The following DCC variants were observed in gnomAD, a reference collection of about 807,000 sequenced individuals.
The protein encoded by DCC is netrin receptor DCC.
In DCC, 58 loss-of-function variants were observed where a neutral mutation model predicts 172.5. That is an observed-to-expected ratio of 0.34 (90% confidence interval 0.27 to 0.42). DCC has a LOEUF of 0.42. Among genes scored for constraint, DCC ranks in the 10% least tolerant of loss-of-function variants. The probability of loss-of-function intolerance (pLI) is 1.00; values close to 1 mark genes in which losing one functional copy is unlikely to be tolerated. For missense variants in DCC, 1,740 were observed against 1,791.0 expected (o/e 0.97, Z 0.51); for synonymous variants, 709 against 644.5 (o/e 1.10, Z -1.52).
rs1019432197 is a variant in DCC, at chr18:52,921,233, G to C, written c.698-2474G>C. Among the ~76,000 whole-genome samples the C allele has an allele frequency of 2.6e-5, 4 of 152,174 alleles. No individual in the cohort carries two copies. The East Asian group carries it at 7.7e-4, about 29-fold the overall frequency. On this transcript the variant is annotated intron_variant, in intron 3 of 28. Transcript: ENST00000442544. ...GAATTAAAACAACTATACCACATTA[G>C]TGTAAGATGTTTGTAATAGGAGAAA...
intron 5 of DCC, among the ~76,000 whole-genome samples, chr18:53,014,170 A>G (rs1189823378): frequency 6.6e-6 from 1 of 152,214 alleles, no homozygotes; most frequent in East Asian, 1.9e-4. Context: ...GAATCAATCT[A>G]CATTTAGATC....
chr18:53,323,937 C>T (rs2047914), intron 14 of DCC, among the ~76,000 whole-genome samples: 45,202 of 148,372 alleles, frequency 0.3, 8,619 homozygotes, highest in Non-Finnish European at 0.45. Flanking sequence ...GTAAGATAAG[C>T]AGGTTCCAAA....
intron 1 of DCC, among the ~76,000 whole-genome samples, chr18:52,671,902 A>G (rs1041999531): frequency 2.4e-4 from 37 of 152,140 alleles, no homozygotes; most frequent in African/African-American, 7.5e-4. Flanking sequence ...TAAATACCCC[A>G]TAAAGCAGAG....
intron 25 of DCC, among the ~76,000 whole-genome samples, chr18:53,481,692 T>C (rs923076362): frequency 1.3e-5 from 2 of 152,214 alleles, no homozygotes; most frequent in Non-Finnish European, 2.9e-5. Flanking sequence ...AGTACCATGT[T>C]GAGAAATATC....
At chr18:52,758,222 T>G (rs1296297768) in intron 2 of DCC, among the ~76,000 whole-genome samples, 1 of 152,162 alleles carries the variant, frequency 6.6e-6, no homozygotes, top group Non-Finnish European at 1.5e-5. Flanking sequence ...CATATAATTT[T>G]TAAAATAAGC....
rs145049748 is a variant in DCC, at chr18:52,815,049, G to A, written c.412+62675G>A. On this transcript the variant is annotated intron_variant, in intron 2 of 28. Coordinates refer to ENST00000442544, the MANE Select transcript of DCC (RefSeq NM_005215.4). ...AAAAGTGGGCAACAAGAAAAAATAG[G>A]GACATCAAACGGGGTGGGCTGGGGG... Among the ~76,000 whole-genome samples, 264 of 152,196 alleles carry A rather than the reference G, an allele frequency of 1.7e-3. 1 individual carries two copies. The highest frequency in any genetic ancestry group is 6.8e-3 in the Middle Eastern group (2 of 294).
intron 7 of DCC, among the ~76,000 whole-genome samples, chr18:53,082,010 G>A (rs1351680424): frequency 6.6e-6 from 1 of 152,056 alleles, no homozygotes; most frequent in South Asian, 2.1e-4. Flanking sequence ...ATCAAGAATG[G>A]TAATTTACAA....
At chr18:53,430,462 C>A (rs1188944018) in intron 21 of DCC, among the ~76,000 whole-genome samples, 1 of 152,070 alleles carries the variant, frequency 6.6e-6, no homozygotes, top group African/African-American at 2.4e-5. Context: ...TAAACAATCA[C>A]ACAGAAAAAC....
chr18:53,508,873 T>C (rs889052020), intron 27 of DCC, among the ~76,000 whole-genome samples: 1 of 152,176 alleles, frequency 6.6e-6, no homozygotes, highest in African/African-American at 2.4e-5. Context: ...ATAAATGCAT[T>C]TGACAGCCAG....
chr18:52,959,710 ATATT>A (rs1354744637), intron 5 of DCC, among the ~76,000 whole-genome samples: 1 of 152,180 alleles, frequency 6.6e-6, no homozygotes, highest in Non-Finnish European at 1.5e-5. Context: ...ACAATAAATA[ATATT>A]TATTCATAAT....
At chr18:52,667,307 C>T (rs2035473648) in intron 1 of DCC, among the ~76,000 whole-genome samples, 1 of 152,204 alleles carries the variant, frequency 6.6e-6, no homozygotes. Flanking sequence ...GTCATCCAAG[C>T]ATCCTAAGCA....
At chr18:53,382,502 C>A (rs900255090) in intron 15 of DCC, among the ~76,000 whole-genome samples, 10 of 152,016 alleles carry the variant, frequency 6.6e-5, no homozygotes, top group Admixed American at 3.9e-4. Flanking sequence ...CTTTGATGAC[C>A]TAAATCCTCA....
At chr18:53,101,106 A>C (rs1034406939) in intron 7 of DCC, among the ~76,000 whole-genome samples, 3 of 152,120 alleles carry the variant, frequency 2.0e-5, no homozygotes, top group African/African-American at 7.2e-5. Context: ...TGTGAGATAT[A>C]GCATAACAAA....
chr18:52,712,679 T>C (rs2036312950), intron 1 of DCC, among the ~76,000 whole-genome samples: 1 of 152,248 alleles, frequency 6.6e-6, no homozygotes, highest in Non-Finnish European at 1.5e-5. Flanking sequence ...CTTGATTTTC[T>C]GAAACACTCA....
chr18:53,181,871 C>T (rs986220927), intron 9 of DCC, among the ~76,000 whole-genome samples: 12 of 152,284 alleles, frequency 7.9e-5, no homozygotes, highest in Admixed American at 1.3e-4. Context: ...CAGATTTGCT[C>T]GTGGGCCCAT....
At chr18:52,743,302 A>C (rs928398536) in intron 1 of DCC, among the ~76,000 whole-genome samples, 3 of 152,228 alleles carry the variant, frequency 2.0e-5, no homozygotes, top group African/African-American at 7.2e-5. Flanking sequence ...AAAACACGGA[A>C]GCTAAAGCTA....
chr18:53,265,423 C>T lies in DCC; in HGVS notation c.1912-40155C>T, dbSNP rs559275417. ...AGAAACACTCCATGTATAAAGAAAA[C>T]CTACAAAATGTGGACTGATCATTAT... On this transcript the variant is annotated intron_variant, in intron 12 of 28. Transcript: ENST00000442544. Among the ~76,000 whole-genome samples, 10 of 152,246 alleles carry T rather than the reference C, an allele frequency of 6.6e-5. No individual in the cohort carries two copies. The South Asian group carries it at 1.2e-3, about 19-fold the overall frequency.
chr18:52,815,411 TAC>T (rs34924244), intron 2 of DCC, among the ~76,000 whole-genome samples: 35,227 of 149,932 alleles, frequency 0.23, 4,206 homozygotes, highest in Admixed American at 0.31. Flanking sequence ...TTCTCACACG[TAC>T]ACACACACAC....
chr18:52,928,524 G>C (rs889753371), intron 5 of DCC, among the ~76,000 whole-genome samples: 2 of 152,144 alleles, frequency 1.3e-5, no homozygotes, highest in Non-Finnish European at 1.5e-5. Flanking sequence ...ACACATGTAT[G>C]TAAAACATGT....
Sources: allele counts gnomAD v4.1 joint callset (sites outside exome capture counted in the v4.1 genomes callset), GRCh38; gene constraint gnomAD v4.1.1; transcripts MANE v1.5; gene names NCBI Gene and HGNC (gene_info 2026-07-23, HGNC 2026-07-21).